Variants in PAX5 observed in about 807,000 individuals in gnomAD.
PAX5 encodes paired box protein Pax-5.
Under a neutral mutation model 43.7 loss-of-function variants are expected in PAX5, and 9 were observed. The ratio of observed to expected loss-of-function variants is 0.21; its 90% CI spans 0.12 to 0.36. PAX5 has a LOEUF of 0.36. PAX5 is among the 10% of genes least tolerant of loss of function. The pLI, the probability that PAX5 is intolerant of heterozygous loss-of-function variation, is 1.00. For synonymous variants in PAX5, 228 were observed against 214.3 expected, an observed-to-expected ratio of 1.06 and a Z score of -0.56; for missense variants, 383 against 532.7, an observed-to-expected ratio of 0.72 and a Z score of 2.77.
chr9:36,847,534 G>C (rs1307660116), intron 8 of PAX5, among the ~76,000 whole-genome samples: 1 of 152,230 alleles, frequency 6.6e-6, no homozygotes, highest in East Asian at 1.9e-4. Context: ...GGAGGAGGCA[G>C]ACAGAACTGT....
At chr9:36,973,084 G>T (rs539435699) in intron 5 of PAX5, among the ~76,000 whole-genome samples, 1 of 58,278 alleles carries the variant, frequency 1.7e-5, no homozygotes, top group African/African-American at 9.8e-5. Flanking sequence ...GGAACGGAAC[G>T]GAAAGGAAAG....
rs1372104492 is a variant in PAX5 at position 36,882,076 on chromosome 9, C to T, written c.940G>A (p.Gly314Arg). 10 of 1,604,824 alleles carry T rather than the reference C, an allele frequency of 6.2e-6. No homozygotes were observed. The highest frequency in any genetic ancestry group is 3.4e-6 in the Non-Finnish European group (4 of 1,174,358). ...GCGGGGGGGACGTGTGGAGGGTACC[C>T]GGGGAGGGTCGTGCTCGCCAAGTCA... ...GRDLASTTLP[G>R]YPPHVPPAGQ... is the part of the protein sequence containing the mutation. Residue 314 changes from glycine (G) to arginine (R), a missense_variant, in exon 8 of 10, where the codon GGG becomes AGG. This residue lies in a region of PAX5 where 291 missense variants were observed against 342.5 expected (regional missense o/e 0.85). Transcript: ENST00000358127. The surrounding 1 kb of genome is among the most constrained non-coding windows in gnomAD (Gnocchi z 4.4).
chr9:37,016,110 A>G (rs1216517247), intron 2 of PAX5, among the ~76,000 whole-genome samples: 1 of 152,242 alleles, frequency 6.6e-6, no homozygotes, highest in Non-Finnish European at 1.5e-5. Flanking sequence ...AAGGTTAAAC[A>G]GTTTTCCTAG....
At chr9:36,856,941 G>T (rs796913361) in intron 8 of PAX5, among the ~76,000 whole-genome samples, 1 of 152,196 alleles carries the variant, frequency 6.6e-6, no homozygotes, top group African/African-American at 2.4e-5. Flanking sequence ...CTCTTTGAAC[G>T]TCTAGAATGT....
At chr9:36,901,101 C>G (rs2131857542) in intron 7 of PAX5, among the ~76,000 whole-genome samples, 1 of 152,254 alleles carries the variant, frequency 6.6e-6, no homozygotes, top group African/African-American at 2.4e-5. Flanking sequence ...TCCTGCGAGT[C>G]TCATCCTCCT....
chr9:36,867,080 G>T (rs1036009437), intron 8 of PAX5, among the ~76,000 whole-genome samples: 2 of 150,820 alleles, frequency 1.3e-5, no homozygotes, highest in Admixed American at 6.6e-5. Context: ...GCCTTGGTTG[G>T]TCTCCTGCTT....
At chr9:37,000,017 C>T (rs981810943) in intron 5 of PAX5, among the ~76,000 whole-genome samples, 6 of 152,098 alleles carry the variant, frequency 3.9e-5, no homozygotes, top group African/African-American at 1.4e-4. Context: ...CTCAGGAGCA[C>T]TCCAGCTCCT....
chr9:36,901,276 T>C (rs531010029), intron 7 of PAX5, among the ~76,000 whole-genome samples: 1 of 152,132 alleles, frequency 6.6e-6, no homozygotes, highest in Middle Eastern at 3.4e-3. Flanking sequence ...TATCATGCTG[T>C]TCCTTCTGCC....
intron 6 of PAX5, among the ~76,000 whole-genome samples, chr9:36,952,810 C>T (rs973611449): frequency 1.3e-5 from 2 of 152,142 alleles, no homozygotes; most frequent in Non-Finnish European, 2.9e-5. Flanking sequence ...TTCACTTATC[C>T]ATATGTAATA....
At chr9:36,924,734 T>TGGAAGGAAGGAAGGAA (rs772116401) in intron 6 of PAX5, among the ~76,000 whole-genome samples, 59 of 61,298 alleles carry the variant, frequency 9.6e-4, no homozygotes, top group Non-Finnish European at 1.2e-3. Context: ...AAGAAAGAGG[T>TGGAAGGAAGGAAGGAA]GGAAGGAAGG....
At chr9:36,960,714 C>G (rs905876418) in intron 6 of PAX5, among the ~76,000 whole-genome samples, 3 of 152,210 alleles carry the variant, frequency 2.0e-5, no homozygotes, top group Non-Finnish European at 4.4e-5. Context: ...GCGTTCCACC[C>G]CTCTGTGGTT....
chr9:36,921,460 G>C (rs1830163539), intron 7 of PAX5, among the ~76,000 whole-genome samples: 2 of 152,168 alleles, frequency 1.3e-5, no homozygotes. Flanking sequence ...CTGTGTGGCA[G>C]CATGGCCAGC....
intron 9 of PAX5, among the ~76,000 whole-genome samples, chr9:36,841,328 C>G (rs1484553877): frequency 6.6e-6 from 1 of 152,252 alleles, no homozygotes; most frequent in Non-Finnish European, 1.5e-5. Context: ...GGGGTAGGCA[C>G]AGTTTAGCTC....
intron 7 of PAX5, among the ~76,000 whole-genome samples, chr9:36,886,422 G>A (rs147450021): frequency 6.6e-6 from 1 of 152,288 alleles, no homozygotes; most frequent in African/African-American, 2.4e-5. Context: ...TCTGCTCTGA[G>A]GCCCATCAGA....
Position 36,839,416 on chromosome 9 carries a change from G to A in PAX5, c.*1144C>T, listed in dbSNP as rs1821873343. The A allele has an allele frequency of 8.6e-6, 2 of 233,788 alleles. No homozygotes were observed. Among genetic ancestry groups the A allele is most frequent in the East Asian group, 1.2e-4 (2 of 16,606 alleles). 14.5% of individuals were successfully genotyped at this position (233,788 alleles called of 1,614,324 possible). A position where few individuals can be genotyped will look rare whatever the true frequency, so the allele number is the denominator to read the frequency against. On this transcript the variant is annotated 3_prime_UTR_variant, in exon 10 of 10. Transcript: ENST00000358127. Reference sequence around the variant, plus strand: ...TGCCTGCTAAGCTCCACGAGGACGGGGAGGGTCTGCCCCGAGAGGATGCTC... The same window carrying A: ...TGCCTGCTAAGCTCCACGAGGACGGAGAGGGTCTGCCCCGAGAGGATGCTC...
chr9:36,941,559 G>A (rs1009113400), intron 6 of PAX5, among the ~76,000 whole-genome samples: 3 of 152,270 alleles, frequency 2.0e-5, no homozygotes, highest in East Asian at 1.9e-4. Context: ...AGGAAAGAAC[G>A]GAAAACAGAT....
At chr9:36,930,045 A>G (rs1212966716) in intron 6 of PAX5, among the ~76,000 whole-genome samples, 1 of 150,220 alleles carries the variant, frequency 6.7e-6, no homozygotes, top group East Asian at 2.0e-4. Flanking sequence ...CTCTTATAAG[A>G]CCTCAAGGTC....
chr9:36,857,955 G>C (rs1280098421), intron 8 of PAX5, among the ~76,000 whole-genome samples: 1 of 152,262 alleles, frequency 6.6e-6, no homozygotes, highest in Non-Finnish European at 1.5e-5. Context: ...GAGGGCAGGA[G>C]TGGCTGCCAC....
intron 6 of PAX5, among the ~76,000 whole-genome samples, chr9:36,935,620 T>G (rs1831487011): frequency 6.6e-6 from 1 of 152,178 alleles, no homozygotes; most frequent in Admixed American, 6.5e-5. Context: ...CAGCAATGAC[T>G]AATCAGAAGG....
Sources: allele counts gnomAD v4.1 joint callset (sites outside exome capture counted in the v4.1 genomes callset), GRCh38; gene constraint gnomAD v4.1.1; regional missense constraint gnomAD v4.1.1; non-coding constraint Gnocchi (gnomAD v3.1); transcripts MANE v1.5; gene names NCBI Gene and HGNC (gene_info 2026-07-23, HGNC 2026-07-21).